FANK1: variants seen among roughly 807,000 people sequenced by gnomAD.
FANK1 encodes the protein fibronectin type III and ankyrin repeat domains 1.
Under a neutral mutation model 45.3 loss-of-function variants are expected in FANK1, and 44 were observed. That is an observed-to-expected ratio of 0.97 (90% CI 0.76 to 1.25). The LOEUF is 1.25. FANK1 is among the 50% of genes most tolerant of loss of function. FANK1 has a pLI of 0.00. For synonymous variants in FANK1, 149 were observed against 152.5 expected (o/e 0.98, Z 0.17); for missense variants, 391 against 424.4 (o/e 0.92, Z 0.69).
chr10:125,903,970 C>A (rs1253881519), intron 1 of FANK1, among the ~76,000 whole-genome samples: 1 of 152,076 alleles, frequency 6.6e-6, no homozygotes, highest in South Asian at 2.1e-4. Context: ...CTGCCTCAGC[C>A]TCCCGCGTAG....
intron 1 of FANK1, among the ~76,000 whole-genome samples, chr10:125,947,495 C>T (rs1948893504): frequency 6.7e-6 from 1 of 150,212 alleles, no homozygotes; most frequent in Non-Finnish European, 1.5e-5. Context: ...TTCAAACCAA[C>T]AAAGATCAAA....
intron 1 of FANK1, among the ~76,000 whole-genome samples, chr10:125,934,724 GTTTTTTTTTTTTTTTTTTTTTTTTTT>G (rs145182884): frequency 3.8e-5 from 1 of 26,418 alleles, no homozygotes; most frequent in Non-Finnish European, 7.3e-5. Flanking sequence ...TACCCCTACC[GTTTTTTTTTTTTTTTTTTTTTTTTTT>G]TTTTTTTTTT....
At chr10:125,954,611 T>G (rs1281851237) in intron 1 of FANK1, among the ~76,000 whole-genome samples, 1 of 152,170 alleles carries the variant, frequency 6.6e-6, no homozygotes, top group Non-Finnish European at 1.5e-5. Context: ...CAAAATTGAT[T>G]TTTCATTTTA....
chr10:125,904,751 A>AT (rs1305465327), intron 1 of FANK1, among the ~76,000 whole-genome samples: 3 of 152,062 alleles, frequency 2.0e-5, no homozygotes, highest in African/African-American at 7.2e-5. Flanking sequence ...ACTTTTTGTA[A>AT]TTTTTTAGAC....
At chr10:125,930,605 G>T (rs998888261) in intron 1 of FANK1, among the ~76,000 whole-genome samples, 1 of 151,786 alleles carries the variant, frequency 6.6e-6, no homozygotes, top group Non-Finnish European at 1.5e-5. Flanking sequence ...CAGAAGTTCT[G>T]GGATTACAAG....
chr10:125,975,195 CATA>C (rs1950782135), intron 1 of FANK1, among the ~76,000 whole-genome samples: 1 of 152,190 alleles, frequency 6.6e-6, no homozygotes, highest in Non-Finnish European at 1.5e-5. Context: ...TTTATGGCTG[CATA>C]ATATTTCATA....
At position 125,975,461 on chromosome 10, in the gene FANK1, C is replaced by T. The variant is rs545217287; in HGVS notation, c.14-4700C>T. Among the ~76,000 whole-genome samples the T allele has an allele frequency of 1.4e-4, 21 of 152,324 alleles. No individual in the cohort carries two copies. The South Asian group carries it at 4.3e-3, about 32-fold the overall frequency. ...TCGTTGAACAAATTTATCCCACCAA[C>T]AGTGTATAAAGGTTCCCTTTGTGAC... On this transcript the variant is annotated intron_variant, in intron 1 of 10. Coordinates refer to ENST00000368693, the MANE Select transcript of FANK1 (RefSeq NM_145235.5).
chr10:125,960,620 G>A (rs1026279859), intron 1 of FANK1, among the ~76,000 whole-genome samples: 9 of 152,206 alleles, frequency 5.9e-5, no homozygotes, highest in Non-Finnish European at 1.2e-4. Flanking sequence ...TCCACCTCCC[G>A]GGTTCATGTC....
intron 1 of FANK1, among the ~76,000 whole-genome samples, chr10:125,938,800 CTG>C (rs545726413): frequency 2.9e-4 from 44 of 152,224 alleles, no homozygotes; most frequent in African/African-American, 1.1e-3. Flanking sequence ...CAGTGACACT[CTG>C]TCTCAAAAAA....
At position 125,992,874 on chromosome 10, in the gene FANK1, A is replaced by G. The variant is rs111454718; in HGVS notation, c.317-2543A>G. ...TTAGGCATCCCCTTTCTTTTTTAACACTTTGCGGGAGGATCACATTTACTT... is the reference window on the plus strand; with the variant it reads ...TTAGGCATCCCCTTTCTTTTTTAACGCTTTGCGGGAGGATCACATTTACTT... On this transcript the variant is annotated intron_variant, in intron 3 of 10. Transcript: ENST00000368693. Among the ~76,000 whole-genome samples, 1,128 of 152,234 alleles carry G rather than the reference A, an allele frequency of 7.4e-3. 13 individuals are homozygous for G. The highest frequency in any genetic ancestry group is 0.023 in the African/African-American group (967 of 41,530).
At chr10:125,936,283 T>G (rs369844945) in intron 1 of FANK1, among the ~76,000 whole-genome samples, 1 of 152,194 alleles carries the variant, frequency 6.6e-6, no homozygotes, top group Non-Finnish European at 1.5e-5. Context: ...TTTAGTGATT[T>G]ATTTTTTGTC....
chr10:125,919,369 C>T (rs12768025), intron 1 of FANK1, among the ~76,000 whole-genome samples: 1 of 151,744 alleles, frequency 6.6e-6, no homozygotes, highest in African/African-American at 2.4e-5. Flanking sequence ...CCACACCCGG[C>T]TGATTTTTGT....
At chr10:125,898,096 G>A (rs1944728250) in intron 1 of FANK1, among the ~76,000 whole-genome samples, 2 of 151,366 alleles carry the variant, frequency 1.3e-5, no homozygotes, top group Non-Finnish European at 2.9e-5. Context: ...CCGAGGCAGG[G>A]GAATCGCTTG....
At chr10:125,913,491 A>T (rs1173158077) in intron 1 of FANK1, among the ~76,000 whole-genome samples, 1 of 152,210 alleles carries the variant, frequency 6.6e-6, no homozygotes, top group Non-Finnish European at 1.5e-5. Context: ...TTGATTACAG[A>T]TAACTTCAGT....
intron 6 of FANK1, among the ~76,000 whole-genome samples, chr10:125,997,750 C>T (rs545600195): frequency 5.7e-4 from 87 of 152,342 alleles, no homozygotes; most frequent in Middle Eastern, 6.8e-3. Flanking sequence ...CCAGTGGACA[C>T]GCAGTGCACG....
chr10:125,978,298 G>C (rs1461156587), intron 1 of FANK1, among the ~76,000 whole-genome samples: 4 of 148,688 alleles, frequency 2.7e-5, no homozygotes, highest in Non-Finnish European at 6.0e-5. Flanking sequence ...CAGTGAGGAG[G>C]AACGGGATTG....
chr10:125,908,398 T>A (rs1349204148), intron 1 of FANK1, among the ~76,000 whole-genome samples: 2 of 152,192 alleles, frequency 1.3e-5, no homozygotes, highest in Non-Finnish European at 2.9e-5. Flanking sequence ...GTGGTATATA[T>A]GTACCATGGA....
chr10:125,947,293 T>G (rs1435799074), intron 1 of FANK1, among the ~76,000 whole-genome samples: 6 of 150,026 alleles, frequency 4.0e-5, no homozygotes, highest in African/African-American at 9.7e-5. Context: ...TGGACTAAAT[T>G]CTCCAATTAA....
At chr10:125,954,003 T>C (rs1949415462) in intron 1 of FANK1, among the ~76,000 whole-genome samples, 1 of 152,262 alleles carries the variant, frequency 6.6e-6, no homozygotes, top group South Asian at 2.1e-4. Flanking sequence ...TTGGTCACCA[T>C]GAGAGCACAC....
Sources: allele counts gnomAD v4.1 joint callset (sites outside exome capture counted in the v4.1 genomes callset), GRCh38; gene constraint gnomAD v4.1.1; transcripts MANE v1.5; gene names NCBI Gene and HGNC (gene_info 2026-07-23, HGNC 2026-07-21).